KLHL1: variants seen among roughly 807,000 people sequenced by gnomAD.
KLHL1 encodes the protein kelch-like protein 1.
In KLHL1, 47 loss-of-function variants were observed where a neutral mutation model predicts 77.7. The observed-to-expected ratio is 0.60, with a 90% CI of 0.48 to 0.77. KLHL1 has a LOEUF of 0.77. Among genes scored for constraint, KLHL1 ranks in the 30% least tolerant of loss-of-function variants. The pLI is 0.00. For missense variants in KLHL1, 925 were observed against 910.8 expected (o/e 1.02, Z -0.20); for synonymous variants, 360 against 325.2 (o/e 1.11, Z -1.15).
intron 1 of KLHL1, among the ~76,000 whole-genome samples, chr13:70,050,234 G>C (rs546218279): frequency 1.2e-4 from 18 of 151,684 alleles, no homozygotes; most frequent in African/African-American, 4.3e-4. Context: ...GATCAAAACT[G>C]GCTGTGTTAC....
chr13:70,057,359 T>C (rs952133235), intron 1 of KLHL1, among the ~76,000 whole-genome samples: 4 of 149,850 alleles, frequency 2.7e-5, no homozygotes, highest in Non-Finnish European at 5.9e-5. Context: ...AACCTTTAAA[T>C]GGTTAATATT....
intron 4 of KLHL1, among the ~76,000 whole-genome samples, chr13:69,906,633 C>CA (rs200101838): frequency 0.037 from 5,683 of 151,960 alleles, 177 homozygotes; most frequent in Admixed American, 0.092. Flanking sequence ...TCTTGAATAA[C>CA]AATTTCTTTT....
intron 7 of KLHL1, among the ~76,000 whole-genome samples, chr13:69,780,731 T>TATATAC (rs1555267679): frequency 6.6e-5 from 5 of 75,330 alleles, no homozygotes; most frequent in Non-Finnish European, 1.3e-4. Context: ...TATATATATA[T>TATATAC]ACATATATAT....
intron 5 of KLHL1, among the ~76,000 whole-genome samples, chr13:69,852,128 G>T (rs577168245): frequency 4.8e-4 from 73 of 151,964 alleles, no homozygotes; most frequent in Non-Finnish European, 8.4e-4. Context: ...ACAAGAGTAA[G>T]CACGCACAGC....
At chr13:69,928,734 T>C (rs973032126) in intron 4 of KLHL1, among the ~76,000 whole-genome samples, 1 of 152,114 alleles carries the variant, frequency 6.6e-6, no homozygotes, top group East Asian at 1.9e-4. Context: ...AATATCTATA[T>C]AGATGAAGGT....
intron 7 of KLHL1, among the ~76,000 whole-genome samples, chr13:69,744,168 G>A (rs543129640): frequency 4.1e-4 from 63 of 152,226 alleles, no homozygotes; most frequent in African/African-American, 1.4e-3. Context: ...CTAGCTTTAA[G>A]TAGCTCTAGT....
At chr13:70,076,539 A>C (rs1887271216) in intron 1 of KLHL1, among the ~76,000 whole-genome samples, 1 of 151,842 alleles carries the variant, frequency 6.6e-6, no homozygotes, top group Admixed American at 6.6e-5. Flanking sequence ...ATAGGAGAAA[A>C]TCTACATGAC....
At chr13:69,841,337 A>AC (rs1188828167) in intron 5 of KLHL1, among the ~76,000 whole-genome samples, 2 of 151,772 alleles carry the variant, frequency 1.3e-5, no homozygotes, top group African/African-American at 4.8e-5. Flanking sequence ...AACAAAAAAA[A>AC]CAGTAGGTTT....
At chr13:70,047,065 C>T (rs1326398942) in intron 1 of KLHL1, among the ~76,000 whole-genome samples, 1 of 151,924 alleles carries the variant, frequency 6.6e-6, no homozygotes, top group Non-Finnish European at 1.5e-5. Context: ...ACCAAACCAA[C>T]CAAACCTTGC....
At chr13:69,988,088 T>TGGGG (rs1566475996) in intron 1 of KLHL1, among the ~76,000 whole-genome samples, 6 of 151,774 alleles carry the variant, frequency 4.0e-5, no homozygotes, top group African/African-American at 1.5e-4. Flanking sequence ...TAGCTTTTTT[T>TGGGG]TGGCGGGGGG....
intron 1 of KLHL1, among the ~76,000 whole-genome samples, chr13:70,082,318 CACACACACA>C (rs1887412944): frequency 3.1e-5 from 1 of 32,024 alleles, no homozygotes; most frequent in South Asian, 8.4e-4. Flanking sequence ...CTGTCACACA[CACACACACA>C]CACACACACA....
At chr13:69,942,133 A>C (rs1566427787) in intron 3 of KLHL1, among the ~76,000 whole-genome samples, 1 of 151,970 alleles carries the variant, frequency 6.6e-6, no homozygotes, top group Non-Finnish European at 1.5e-5. Context: ...TGAATCTTCT[A>C]AATTTGACTA....
intron 7 of KLHL1, among the ~76,000 whole-genome samples, chr13:69,782,338 G>A (rs146857914): frequency 0.012 from 1,787 of 152,292 alleles, 22 homozygotes; most frequent in African/African-American, 0.039. Flanking sequence ...GCAGCGCACC[G>A]TGTGCTAGCC....
chr13:69,959,456 A>C (rs933632770), intron 3 of KLHL1, among the ~76,000 whole-genome samples: 1 of 151,788 alleles, frequency 6.6e-6, no homozygotes, highest in South Asian at 2.1e-4. Context: ...ATGCAAATTG[A>C]AATTGACCAA....
At chr13:69,984,639 C>T (rs1884812441) in intron 1 of KLHL1, among the ~76,000 whole-genome samples, 1 of 152,124 alleles carries the variant, frequency 6.6e-6, no homozygotes, top group African/African-American at 2.4e-5. Flanking sequence ...CCCACTTGGG[C>T]ACTCCTCTAT....
intron 5 of KLHL1, among the ~76,000 whole-genome samples, chr13:69,858,844 A>C (rs2138147692): frequency 6.6e-6 from 1 of 152,230 alleles, no homozygotes; most frequent in East Asian, 1.9e-4. Context: ...TTCAGAAAGA[A>C]AGAATACGTC....
At position 70,027,652 on chromosome 13, in the gene KLHL1, G is replaced by GTTTTTTTTTTTTT. The variant is rs10667717; in HGVS notation, c.498-51863_498-51851dup. Reference sequence around the variant, plus strand: ...ATTTTTGAAGCGCAAAATGTAAGTTGTTTTTTTTTTTTTATGAACTGAACA... The same window carrying GTTTTTTTTTTTTT: ...ATTTTTGAAGCGCAAAATGTAAGTTGTTTTTTTTTTTTTTTTTTTTTTTTTTATGAACTGAACA... On this transcript the variant is annotated intron_variant, in intron 1 of 10. Coordinates refer to ENST00000377844, the MANE Select transcript of KLHL1 (RefSeq NM_020866.3). Among the ~76,000 whole-genome samples, 11 of 135,836 alleles carry GTTTTTTTTTTTTT rather than the reference G, an allele frequency of 8.1e-5. 1 individual carries two copies. The highest frequency in any genetic ancestry group is 2.2e-4 in the East Asian group (1 of 4,534). The allele number at this position is 135,836 out of a possible 152,430, so 89.1% of individuals were successfully genotyped here.
At chr13:69,831,711 C>G (rs1376005768) in intron 6 of KLHL1, among the ~76,000 whole-genome samples, 2 of 150,078 alleles carry the variant, frequency 1.3e-5, no homozygotes, top group African/African-American at 5.0e-5. Flanking sequence ...AAAATACTAG[C>G]TAAATAAATC....
At chr13:70,000,897 G>T (rs1386093815) in intron 1 of KLHL1, among the ~76,000 whole-genome samples, 3 of 143,182 alleles carry the variant, frequency 2.1e-5, no homozygotes, top group Non-Finnish European at 4.6e-5. Context: ...AAATAAAATA[G>T]AAAAAAGCAA....
Sources: allele counts gnomAD v4.1 joint callset (sites outside exome capture counted in the v4.1 genomes callset), GRCh38; gene constraint gnomAD v4.1.1; transcripts MANE v1.5; gene names NCBI Gene and HGNC (gene_info 2026-07-23, HGNC 2026-07-21).